Variants in ZNF362 observed in about 807,000 individuals in gnomAD.
The protein encoded by ZNF362 is rotund homolog.
A neutral mutation model predicts 42.9 loss-of-function variants in ZNF362; 11 were observed. That is an observed-to-expected ratio of 0.26 (90% confidence interval 0.16 to 0.42). ZNF362 has a LOEUF of 0.42. Ranked by LOEUF, ZNF362 falls within the 20% of genes least tolerant of loss-of-function variation. ZNF362 has a pLI of 1.00. For synonymous variants in ZNF362, 255 were observed against 257.3 expected, an observed-to-expected ratio of 0.99 and a Z score of 0.09; for missense variants, 362 against 576.2, an observed-to-expected ratio of 0.63 and a Z score of 3.81.
the ZNF362 span, among the ~76,000 whole-genome samples, chr1:33,179,632 C>T: frequency 6.6e-6 from 1 of 152,124 alleles, no homozygotes; most frequent in Non-Finnish European, 1.5e-5. Flanking sequence ...TTCATTTGGC[C>T]TTTATTGGTG....
chr1:33,149,317 T>A, the ZNF362 span, among the ~76,000 whole-genome samples: 1 of 152,098 alleles, frequency 6.6e-6, no homozygotes, highest in Admixed American at 6.5e-5. Context: ...CACGCCTGGC[T>A]AATTTTTTGT....
At chr1:33,210,041 C>T in the ZNF362 span, among the ~76,000 whole-genome samples, 1 of 152,140 alleles carries the variant, frequency 6.6e-6, no homozygotes. Flanking sequence ...TTAGATCTTT[C>T]CTGCTTTCTC....
chr1:33,192,722 G>T, the ZNF362 span, among the ~76,000 whole-genome samples: 76 of 152,200 alleles, frequency 5.0e-4, no homozygotes, highest in African/African-American at 1.7e-3. Context: ...TGGTAGGAAA[G>T]GTCCAAGGGA....
the ZNF362 span, among the ~76,000 whole-genome samples, chr1:33,133,277 G>C: frequency 6.6e-6 from 1 of 152,358 alleles, no homozygotes; most frequent in African/African-American, 2.4e-5. Context: ...ATCCAGCTAA[G>C]CACATTGTCC....
chr1:33,136,790 A>T, the ZNF362 span, among the ~76,000 whole-genome samples: 1 of 151,560 alleles, frequency 6.6e-6, no homozygotes, highest in Non-Finnish European at 1.5e-5. Flanking sequence ...AGAGGTCAGG[A>T]GTCCGAGACC....
chr1:33,181,714 G>C, the ZNF362 span: 6 of 480,246 alleles, frequency 1.2e-5, no homozygotes, highest in Non-Finnish European at 2.2e-5. This position sits in a 1 kb window ranked among gnomAD's most constrained non-coding sequence, Gnocchi z 6.5. Context: ...GCGGCTGAGG[G>C]ACGGAGATCC....
At chr1:33,238,116 A>G in the ZNF362 span, among the ~76,000 whole-genome samples, 1 of 152,032 alleles carries the variant, frequency 6.6e-6, no homozygotes, top group African/African-American at 2.4e-5. Flanking sequence ...CAGGCGTTCA[A>G]GACCAGCCTG....
the ZNF362 span, among the ~76,000 whole-genome samples, chr1:33,132,747 G>A: frequency 6.6e-6 from 1 of 152,164 alleles, no homozygotes. Context: ...CTGGCACATG[G>A]CACGCACTTG....
At chr1:33,154,483 C>CT in the ZNF362 span, among the ~76,000 whole-genome samples, 42 of 150,018 alleles carry the variant, frequency 2.8e-4, no homozygotes, top group South Asian at 1.9e-3. Context: ...ATCTTTAGAT[C>CT]TTTTTTTTTT....
chr1:33,261,220 A>T (rs1233619141), intron 1 of ZNF362: 1 of 152,130 alleles, frequency 6.6e-6, no homozygotes, highest in Non-Finnish European at 1.5e-5. Context: ...CACCTTTGTC[A>T]AAAGGGCCTC....
chr1:33,232,687 C>T, the ZNF362 span, among the ~76,000 whole-genome samples: 1 of 152,226 alleles, frequency 6.6e-6, no homozygotes, highest in Admixed American at 6.5e-5. Context: ...TTGAAGACAT[C>T]ATTAAGCCAC....
At chr1:33,210,642 G>A in the ZNF362 span, among the ~76,000 whole-genome samples, 19 of 152,222 alleles carry the variant, frequency 1.2e-4, no homozygotes, top group Admixed American at 6.5e-4. Context: ...AGGATAGTTA[G>A]CTCTTCTTGG....
the ZNF362 span, among the ~76,000 whole-genome samples, chr1:33,133,220 G>A: frequency 1.3e-5 from 2 of 152,258 alleles, no homozygotes; most frequent in Non-Finnish European, 2.9e-5. Context: ...CAAGGGCAAC[G>A]GAGGCTGTGA....
the ZNF362 span, among the ~76,000 whole-genome samples, chr1:33,175,330 C>G: frequency 7.0e-4 from 106 of 152,210 alleles, 1 homozygote; most frequent in Admixed American, 1.9e-3. Flanking sequence ...GCGTGGGCCA[C>G]TGCGCCCAGC....
chr1:33,243,932 C>T, the ZNF362 span, among the ~76,000 whole-genome samples: 1 of 152,020 alleles, frequency 6.6e-6, no homozygotes, highest in Non-Finnish European at 1.5e-5. Flanking sequence ...TATTTTCTAT[C>T]ATAAGCATGC....
the ZNF362 span, among the ~76,000 whole-genome samples, chr1:33,189,665 A>ACG: frequency 0.026 from 446 of 17,024 alleles, 16 homozygotes; most frequent in East Asian, 0.27. Flanking sequence ...ATATATATAT[A>ACG]TATATATGTA....
chr1:33,188,757 G>C, the ZNF362 span, among the ~76,000 whole-genome samples: 1 of 152,166 alleles, frequency 6.6e-6, no homozygotes, highest in Non-Finnish European at 1.5e-5. Flanking sequence ...CTCAGTTATG[G>C]GTCTGTTGTG....
the ZNF362 span, among the ~76,000 whole-genome samples, chr1:33,140,705 C>T: frequency 1.3e-5 from 2 of 152,130 alleles, no homozygotes; most frequent in African/African-American, 4.8e-5. This position sits in a 1 kb window ranked among gnomAD's most constrained non-coding sequence, Gnocchi z 4.0. Flanking sequence ...CTTGCTGTGG[C>T]TGGTGCTAGC....
chr1:33,256,890 G>A (rs1330189760), intron 1 of ZNF362, among the ~76,000 whole-genome samples: 1 of 150,426 alleles, frequency 6.6e-6, no homozygotes, highest in Non-Finnish European at 1.5e-5. Flanking sequence ...GGCGTGTCTG[G>A]GGCTGGTCTC....
Sources: allele counts gnomAD v4.1 joint callset (sites outside exome capture counted in the v4.1 genomes callset), GRCh38; gene constraint gnomAD v4.1.1; non-coding constraint Gnocchi (gnomAD v3.1); transcripts MANE v1.5; gene names NCBI Gene and HGNC (gene_info 2026-07-23, HGNC 2026-07-21).